OCA2: variants seen among roughly 807,000 people sequenced by gnomAD.
The protein encoded by OCA2 is OCA2 melanosomal transmembrane protein.
In OCA2, 77 loss-of-function variants were observed where a neutral mutation model predicts 100.2. The ratio of observed to expected loss-of-function variants is 0.77; its 90% CI spans 0.64 to 0.93. The LOEUF (loss-of-function observed/expected upper bound fraction) is 0.93, where lower values mean the gene tolerates loss of function less well. OCA2 is among the 40% of genes least tolerant of loss of function. The pLI is 0.00. For synonymous variants in OCA2, 432 were observed against 439.2 expected, an observed-to-expected ratio of 0.98 and a Z score of 0.21; for missense variants, 1,062 against 1,089.1, an observed-to-expected ratio of 0.98 and a Z score of 0.35.
At chr15:27,828,010 C>G (rs933455143) in intron 23 of OCA2, among the ~76,000 whole-genome samples, 1 of 152,148 alleles carries the variant, frequency 6.6e-6, no homozygotes, top group Non-Finnish European at 1.5e-5. Flanking sequence ...CCAGCTTCAT[C>G]TTGTGACGAT....
chr15:27,738,138 G>T, the OCA2 span, among the ~76,000 whole-genome samples: 2 of 152,180 alleles, frequency 1.3e-5, no homozygotes, highest in African/African-American at 4.8e-5. Flanking sequence ...CTAGGGCAGA[G>T]AAATTTCATT....
At position 27,957,438 on chromosome 15, in the gene OCA2, G is replaced by C. The variant is rs1490139333; in HGVS notation, c.1784+150C>G. On this transcript the variant is annotated intron_variant, in intron 16 of 23. Transcript: ENST00000354638. The surrounding 1 kb of genome is among the most constrained non-coding windows in gnomAD (Gnocchi z 4.3). ...GTGTACCCCCTGCAGAGCTCAGTGA[G>C]GGTTAGATAAAATGTACTATAAGAG... The C allele has an allele frequency of 3.2e-6, 3 of 930,528 alleles. No individual in the cohort carries two copies. The highest frequency in any genetic ancestry group is 5.1e-6 in the Non-Finnish European group (3 of 586,400). The allele number at this position is 930,528 out of a possible 1,614,324, so 57.6% of individuals were successfully genotyped here. A position where few individuals can be genotyped will look rare whatever the true frequency, so the allele number is the denominator to read the frequency against.
intron 21 of OCA2, among the ~76,000 whole-genome samples, chr15:27,865,460 A>C (rs2036284827): frequency 6.6e-6 from 1 of 152,180 alleles, no homozygotes; most frequent in Admixed American, 6.5e-5. Context: ...AGCTCTGCTG[A>C]CTGGGCGGCG....
intron 2 of OCA2, among the ~76,000 whole-genome samples, chr15:28,056,448 C>T (rs940384576): frequency 2.6e-5 from 4 of 152,300 alleles, no homozygotes; most frequent in South Asian, 2.1e-4. Flanking sequence ...ACTCACTGGC[C>T]GGAAGCCAAA....
At chr15:27,793,553 T>C (rs1430175427) in intron 23 of OCA2, among the ~76,000 whole-genome samples, 1 of 152,226 alleles carries the variant, frequency 6.6e-6, no homozygotes, top group Non-Finnish European at 1.5e-5. Context: ...TCAGAGTCCT[T>C]GCTTTAATCT....
chr15:27,966,693 C>A lies in OCA2; in HGVS notation c.1633G>T (p.Val545Phe), dbSNP rs1381951592. The A allele has an allele frequency of 6.2e-7, 1 of 1,614,054 alleles. No individual in the cohort carries two copies. Among genetic ancestry groups the A allele is most frequent in the Admixed American group, 1.7e-5 (1 of 60,032 alleles). Reference sequence around the variant, plus strand: ...ATGAGGTTGCACTTGTACTCACCAACAATCTCACTGGGTTCCTTGTTATAA... The same window carrying A: ...ATGAGGTTGCACTTGTACTCACCAAAAATCTCACTGGGTTCCTTGTTATAA... ...KLYNKEPSEI[V>F]ELKHEIHVWR... Residue 545 changes from valine (V) to phenylalanine (F), a missense_variant, in exon 15 of 24, where the codon GTT becomes TTT. Physicochemically the swap from Val to Phe is conservative, Grantham distance 50. Coordinates refer to ENST00000354638, the MANE Select transcript of OCA2 (RefSeq NM_000275.3).
chr15:27,937,175 T>C (rs2039485832), intron 18 of OCA2, among the ~76,000 whole-genome samples: 1 of 152,214 alleles, frequency 6.6e-6, no homozygotes, highest in South Asian at 2.1e-4. Flanking sequence ...TGGAATCATA[T>C]AGCATATACT....
At chr15:27,990,877 C>A (rs1266750844) in intron 9 of OCA2, among the ~76,000 whole-genome samples, 1 of 152,128 alleles carries the variant, frequency 6.6e-6, no homozygotes, top group East Asian at 1.9e-4. Context: ...AATTAGATGA[C>A]CCTGATAAAG....
At chr15:27,974,793 G>C (rs2040914078) in intron 14 of OCA2, among the ~76,000 whole-genome samples, 1 of 152,142 alleles carries the variant, frequency 6.6e-6, no homozygotes, top group Non-Finnish European at 1.5e-5. Context: ...TTCAGAGAAA[G>C]TCATTAAGTA....
Position 27,951,771 on chromosome 15 carries a change from A to G in OCA2, c.1951+13T>C, listed in dbSNP as rs1280141958. On this transcript the variant is annotated intron_variant, in intron 18 of 23. Coordinates refer to ENST00000354638, the MANE Select transcript of OCA2 (RefSeq NM_000275.3). ...GTGACAAAGCCTATGAACCAAAGCT[A>G]AATTAGACTCACCAAGATCAAGATG... is the stretch of plus-strand genomic sequence containing the variant. 1 of 1,551,802 alleles carries G rather than the reference A, an allele frequency of 6.4e-7. No individual in the cohort carries two copies. The highest frequency in any genetic ancestry group is 8.9e-7 in the Non-Finnish European group (1 of 1,123,186).
chr15:27,896,191 T>C (rs754212077), intron 19 of OCA2: 1 of 909,152 alleles, frequency 1.1e-6, no homozygotes, highest in East Asian at 2.4e-5. Flanking sequence ...AAGAGAGCTG[T>C]AGATAGAGGC....
At position 27,996,111 on chromosome 15, in the gene OCA2, G is replaced by A. The variant is rs545901020; in HGVS notation, c.1045-5464C>T. ...CAGGTGTGAGCCACCACACCCAGCC[G>A]CAACACACTCTTGAGCAACCAATGT... On this transcript the variant is annotated intron_variant, in intron 9 of 23. Transcript: ENST00000354638. 1.8e-3 allele frequency among the ~76,000 whole-genome samples: 273 copies of A among 152,102 alleles called. 1 individual carries two copies. Among genetic ancestry groups the A allele is most frequent in the Non-Finnish European group, 2.2e-3 (147 of 67,990 alleles).
chr15:27,989,542 A>C, intron 11 of OCA2, 59 bp downstream of exon 11: 6 of 1,424,694 alleles, frequency 4.2e-6, no homozygotes, highest in Non-Finnish European at 6.0e-6. Flanking sequence ...GGTGGAGGCC[A>C]GAGAAGGCCC....
At chr15:28,087,497 G>A (rs916703135) in intron 1 of OCA2, among the ~76,000 whole-genome samples, 12 of 152,158 alleles carry the variant, frequency 7.9e-5, no homozygotes, top group Admixed American at 7.9e-4. Flanking sequence ...TATAATCCTG[G>A]CACTCTGGGA....
intron 21 of OCA2, among the ~76,000 whole-genome samples, chr15:27,859,862 T>C (rs2036069679): frequency 1.3e-5 from 2 of 152,070 alleles, no homozygotes; most frequent in South Asian, 2.1e-4. Context: ...GGAAAAAAGA[T>C]GGCAGATAGC....
rs944402853 is a variant in OCA2, at chr15:28,034,877, G to A, written c.228-2714C>T. On this transcript the variant is annotated intron_variant, in intron 2 of 23. Transcript: ENST00000354638. ...TGGCTTTTTAACTCAAATAAAACAA[G>A]TTTTCTAAATCATTAAATCAATAAT... Among the ~76,000 whole-genome samples the A allele has an allele frequency of 1.3e-5, 2 of 151,990 alleles. 1 individual carries two copies. The highest frequency in any genetic ancestry group is 1.3e-4 in the Admixed American group (2 of 15,262).
At position 27,812,396 on chromosome 15, in the gene OCA2, A is replaced by G. The variant is rs146005827; in HGVS notation, c.2432+32563T>C. Reference sequence around the variant, plus strand: ...TCCCTGACAGGTGCAGACGCAGGGAAGGTGCTGGCCTCCCTCACCGATCTC... The same window carrying G: ...TCCCTGACAGGTGCAGACGCAGGGAGGGTGCTGGCCTCCCTCACCGATCTC... On this transcript the variant is annotated intron_variant, in intron 23 of 23. Coordinates refer to ENST00000354638, the MANE Select transcript of OCA2 (RefSeq NM_000275.3). Among the ~76,000 whole-genome samples the G allele has an allele frequency of 1.3e-3, 198 of 152,342 alleles. 2 individuals carry two copies. The highest frequency in any genetic ancestry group is 4.4e-3 in the African/African-American group (183 of 41,574).
intron 23 of OCA2, among the ~76,000 whole-genome samples, chr15:27,794,040 C>G (rs1374581118): frequency 1.3e-5 from 2 of 152,196 alleles, no homozygotes; most frequent in Non-Finnish European, 2.9e-5. Context: ...AAAATTCTCT[C>G]TAGAGAAGAT....
intron 23 of OCA2, among the ~76,000 whole-genome samples, chr15:27,814,644 G>A (rs546876679): frequency 8.7e-4 from 133 of 152,274 alleles, no homozygotes; most frequent in Non-Finnish European, 1.3e-3. Flanking sequence ...TTGGGAGGCC[G>A]AGGCAGGCAG....
Sources: gnomAD v4.1 joint callset for allele counts (sites outside exome capture counted in the v4.1 genomes callset) on GRCh38, gnomAD v4.1.1 for gene constraint, Gnocchi (gnomAD v3.1) non-coding constraint, MANE v1.5 for transcripts, NCBI Gene and HGNC (gene_info 2026-07-23, HGNC 2026-07-21) for gene names.